The following DAB1 variants were observed in gnomAD, a reference collection of about 807,000 sequenced individuals.
DAB1 encodes disabled homolog 1.
A neutral mutation model predicts 64.6 loss-of-function variants in DAB1; 15 were observed. That is an observed-to-expected ratio of 0.23 (90% CI 0.16 to 0.36). The LOEUF (loss-of-function observed/expected upper bound fraction) is 0.36, where lower values mean the gene tolerates loss of function less well. DAB1 is among the 10% of genes least tolerant of loss of function. The pLI, the probability that DAB1 is intolerant of heterozygous loss-of-function variation, is 1.00. For missense variants in DAB1, 596 were observed against 706.7 expected, an observed-to-expected ratio of 0.84 and a Z score of 1.78; for synonymous variants, 235 against 251.9, an observed-to-expected ratio of 0.93 and a Z score of 0.64.
At chr1:57,256,835 A>G (rs140819264) in intron 2 of DAB1, among the ~76,000 whole-genome samples, 1 of 152,258 alleles carries the variant, frequency 6.6e-6, no homozygotes, top group African/African-American at 2.4e-5. Flanking sequence ...TCCAGCTCAG[A>G]CTTCCTGGAC....
At chr1:58,158,499 C>T (rs1231148816) in intron 4 of DAB1, among the ~76,000 whole-genome samples, 2 of 152,138 alleles carry the variant, frequency 1.3e-5, no homozygotes, top group Non-Finnish European at 2.9e-5. Flanking sequence ...CCAAAGGCTG[C>T]TCTATCTCCA....
intron 3 of DAB1, among the ~76,000 whole-genome samples, chr1:58,432,144 G>A (rs1402196422): frequency 2.6e-5 from 4 of 152,136 alleles, no homozygotes; most frequent in Non-Finnish European, 5.9e-5. Flanking sequence ...GTCTCTGCCT[G>A]GAATGCTCTC....
At chr1:57,574,991 T>G (rs774365151) in intron 7 of DAB1, among the ~76,000 whole-genome samples, 1 of 152,230 alleles carries the variant, frequency 6.6e-6, no homozygotes, top group Non-Finnish European at 1.5e-5. Context: ...TGAAATGAAC[T>G]AATTAGAGGT....
intron 6 of DAB1, among the ~76,000 whole-genome samples, chr1:57,677,345 G>A (rs767988088): frequency 1.1e-4 from 17 of 152,168 alleles, no homozygotes; most frequent in Non-Finnish European, 1.6e-4. Flanking sequence ...AAGTCCTTCA[G>A]TGACCCTAAC....
At chr1:58,090,215 G>A (rs1364690424) in intron 5 of DAB1, among the ~76,000 whole-genome samples, 1 of 139,516 alleles carries the variant, frequency 7.2e-6, no homozygotes, top group Non-Finnish European at 1.5e-5. Flanking sequence ...AGTAGGGTCA[G>A]GAAAAAATCC....
rs764017629 is a variant in DAB1 at position 57,291,042 on chromosome 1, C to A, written c.-12G>T. The stretch of plus-strand genomic sequence containing the variant: ...GTCTCAGTTGACATCCTACTTAATC[C>A]TTAGTCCACTTCACACAGATCCCGG... On this transcript the variant is annotated 5_prime_UTR_variant, in exon 2 of 15. It adds an upstream start codon to the 5' untranslated region. Transcript: ENST00000371236. 3.6e-5 allele frequency: 58 copies of A among 1,604,034 alleles called. No individual in the cohort carries two copies. Among genetic ancestry groups the A allele is most frequent in the South Asian group, 1.1e-4 (10 of 89,810 alleles).
At chr1:57,584,242 A>G (rs1390650103) in intron 7 of DAB1, among the ~76,000 whole-genome samples, 1 of 151,952 alleles carries the variant, frequency 6.6e-6, no homozygotes. Flanking sequence ...TTTTTTGTCT[A>G]TAAATCTTCT....
intron 7 of DAB1, among the ~76,000 whole-genome samples, chr1:57,526,967 G>A (rs1644600483): frequency 6.6e-6 from 1 of 151,994 alleles, no homozygotes. Context: ...TTATAAGCAG[G>A]ATCCCATTTA....
intron 1 of DAB1, among the ~76,000 whole-genome samples, chr1:57,351,965 A>C (rs1408088147): frequency 6.6e-6 from 1 of 152,232 alleles, no homozygotes; most frequent in Non-Finnish European, 1.5e-5. Flanking sequence ...AAAATGAAGC[A>C]AAGTAGAGAA....
intron 4 of DAB1, among the ~76,000 whole-genome samples, chr1:58,203,864 T>G (rs1319992913): frequency 6.6e-6 from 1 of 152,244 alleles, no homozygotes; most frequent in African/African-American, 2.4e-5. Flanking sequence ...TTCAGTTTTA[T>G]AAGCCCAGAA....
chr1:57,076,762 C>A (rs1010994148), intron 4 of DAB1, among the ~76,000 whole-genome samples: 5 of 152,200 alleles, frequency 3.3e-5, no homozygotes, highest in Non-Finnish European at 5.9e-5. Context: ...TACCTTGATA[C>A]CCCATTTCCC....
At chr1:57,542,788 C>A (rs1255063859) in intron 7 of DAB1, among the ~76,000 whole-genome samples, 69 of 152,206 alleles carry the variant, frequency 4.5e-4, no homozygotes, top group Admixed American at 4.4e-3. Context: ...TCATGTAATT[C>A]TCTCCCACAA....
intron 10 of DAB1, 119 bp from the exon 11 acceptor site, chr1:57,023,758 A>T: frequency 1.5e-6 from 1 of 685,490 alleles, no homozygotes; most frequent in South Asian, 1.7e-5. Context: ...CAAGCCACTT[A>T]TGGGGTGTGC....
At chr1:57,004,913 T>A (rs927672933) in intron 14 of DAB1, among the ~76,000 whole-genome samples, 1 of 152,190 alleles carries the variant, frequency 6.6e-6, no homozygotes, top group Non-Finnish European at 1.5e-5. Context: ...CTCATGGGAC[T>A]GTGACAAGTT....
intron 5 of DAB1, among the ~76,000 whole-genome samples, chr1:58,096,742 G>A (rs1278734425): frequency 6.6e-6 from 1 of 152,220 alleles, no homozygotes; most frequent in African/African-American, 2.4e-5. Flanking sequence ...AGGGCAAAGA[G>A]CCAATATATC....
At chr1:58,171,184 T>C (rs1656155834) in intron 4 of DAB1, among the ~76,000 whole-genome samples, 1 of 152,092 alleles carries the variant, frequency 6.6e-6, no homozygotes, top group Admixed American at 6.5e-5. Context: ...CCATTTGTTG[T>C]CCCCTACTTG....
chr1:58,211,922 A>G (rs1189248358), intron 4 of DAB1, among the ~76,000 whole-genome samples: 1 of 152,158 alleles, frequency 6.6e-6, no homozygotes, highest in Non-Finnish European at 1.5e-5. Flanking sequence ...GATGATCCAC[A>G]AGGCCAATAC....
intron 4 of DAB1, among the ~76,000 whole-genome samples, chr1:58,161,475 T>C (rs958316728): frequency 6.6e-6 from 1 of 152,186 alleles, no homozygotes; most frequent in Non-Finnish European, 1.5e-5. Context: ...TTTACAAAAC[T>C]ATATTGCAGC....
At chr1:57,420,374 T>C (rs1006668144) in intron 1 of DAB1, among the ~76,000 whole-genome samples, 1 of 152,192 alleles carries the variant, frequency 6.6e-6, no homozygotes, top group African/African-American at 2.4e-5. Flanking sequence ...AGTTACCAAA[T>C]CTTCCTGTGC....
Sources: allele counts gnomAD v4.1 joint callset (sites outside exome capture counted in the v4.1 genomes callset), GRCh38; gene constraint gnomAD v4.1.1; transcripts MANE v1.5; gene names NCBI Gene and HGNC (gene_info 2026-07-23, HGNC 2026-07-21).